The following PTPRT variants were observed in gnomAD, a reference collection of about 807,000 sequenced individuals.
The protein encoded by PTPRT is receptor-type tyrosine-protein phosphatase T.
Under a neutral mutation model 176.8 loss-of-function variants are expected in PTPRT, and 56 were observed. The ratio of observed to expected loss-of-function variants is 0.32; its 90% CI spans 0.26 to 0.40. PTPRT has a LOEUF of 0.40. Among genes scored for constraint, PTPRT ranks in the 10% least tolerant of loss-of-function variants. The pLI is 1.00. For synonymous variants in PTPRT, 783 were observed against 739.0 expected (o/e 1.06, Z -0.96); for missense variants, 1,540 against 1,908.2 (o/e 0.81, Z 3.60).
chr20:42,121,862 A>G (rs1569552), intron 19 of PTPRT, among the ~76,000 whole-genome samples: 43,795 of 151,846 alleles, frequency 0.29, 6,747 homozygotes, highest in Non-Finnish European at 0.34. Flanking sequence ...TTGCAGCAAC[A>G]TGGATACATG....
At chr20:42,365,454 T>C (rs6030171) in intron 9 of PTPRT, among the ~76,000 whole-genome samples, 59,324 of 151,886 alleles carry the variant, frequency 0.39, 12,067 homozygotes, top group East Asian at 0.63. Flanking sequence ...CATATGTGTA[T>C]GAAAAGGGAT....
At chr20:42,239,842 TC>T (rs1431704699) in intron 14 of PTPRT, among the ~76,000 whole-genome samples, 1 of 152,068 alleles carries the variant, frequency 6.6e-6, no homozygotes, top group Non-Finnish European at 1.5e-5. Context: ...CTTTCAATCC[TC>T]CCCACAACCC....
intron 7 of PTPRT, among the ~76,000 whole-genome samples, chr20:42,480,390 C>T (rs2071364702): frequency 6.6e-6 from 1 of 152,150 alleles, no homozygotes; most frequent in Admixed American, 6.5e-5. Context: ...TTCTGTGGAT[C>T]TCTGACCTGG....
At position 42,388,211 on chromosome 20, in the gene PTPRT, A is replaced by G. The variant is rs367735360; in HGVS notation, c.1561-35926T>C. On this transcript the variant is annotated intron_variant, in intron 9 of 30. Coordinates refer to ENST00000373187, the MANE Select transcript of PTPRT (RefSeq NM_007050.6). ...TAGCAATACCATTCAGGACATAGGC[A>G]TGGGCAAGGACTTCATGTCTGAAAC... Among the ~76,000 whole-genome samples, 6 of 152,366 alleles carry G rather than the reference A, an allele frequency of 3.9e-5. No individual in the cohort carries two copies. In the East Asian group the frequency reaches 5.8e-4, roughly 15 times the overall value.
At chr20:42,034,788 G>A in the PTPRT span, among the ~76,000 whole-genome samples, 83 of 152,310 alleles carry the variant, frequency 5.4e-4, no homozygotes, top group African/African-American at 1.9e-3. Context: ...TCTGTGAGAA[G>A]TATAAATTAT....
At chr20:42,636,057 A>G (rs1345218444) in intron 7 of PTPRT, among the ~76,000 whole-genome samples, 1 of 152,192 alleles carries the variant, frequency 6.6e-6, no homozygotes, top group South Asian at 2.1e-4. Flanking sequence ...AAATTAATAG[A>G]GTTGACCGAC....
At chr20:42,280,365 G>A (rs530543714) in intron 13 of PTPRT, among the ~76,000 whole-genome samples, 2 of 152,170 alleles carry the variant, frequency 1.3e-5, no homozygotes, top group East Asian at 1.9e-4. Context: ...AACTGTGTCC[G>A]ACTGACATTC....
chr20:42,957,232 A>C (rs1024517776), intron 1 of PTPRT, among the ~76,000 whole-genome samples: 4 of 152,154 alleles, frequency 2.6e-5, no homozygotes, highest in Non-Finnish European at 1.5e-5. Flanking sequence ...AATCATGCCA[A>C]AGGTCGAGTG....
chr20:42,498,958 G>A (rs192208215), intron 7 of PTPRT, among the ~76,000 whole-genome samples: 2 of 152,212 alleles, frequency 1.3e-5, no homozygotes, highest in East Asian at 1.9e-4. Context: ...CAATCAAGCT[G>A]TAACCCAACC....
chr20:42,332,985 C>T (rs567870233), intron 11 of PTPRT, among the ~76,000 whole-genome samples: 5 of 152,144 alleles, frequency 3.3e-5, no homozygotes, highest in East Asian at 1.9e-4. Context: ...TAAATTTTAA[C>T]GTAAAAGAGT....
intron 1 of PTPRT, among the ~76,000 whole-genome samples, chr20:43,004,813 A>G (rs1003209079): frequency 6.6e-6 from 1 of 152,214 alleles, no homozygotes; most frequent in African/African-American, 2.4e-5. Context: ...AGAATAAAAT[A>G]CTCTTGAAAT....
intron 1 of PTPRT, among the ~76,000 whole-genome samples, chr20:43,090,537 G>A (rs1401247896): frequency 1.3e-5 from 2 of 152,024 alleles, no homozygotes; most frequent in Non-Finnish European, 2.9e-5. Flanking sequence ...CAAAGTGCCG[G>A]GATTCCAGTC....
chr20:42,476,300 G>T (rs2071288162), intron 7 of PTPRT, among the ~76,000 whole-genome samples: 1 of 152,180 alleles, frequency 6.6e-6, no homozygotes, highest in Non-Finnish European at 1.5e-5. Context: ...CTGGGGGCTT[G>T]GATAGCATAA....
chr20:42,955,860 G>A (rs979752094), intron 1 of PTPRT, among the ~76,000 whole-genome samples: 2 of 146,466 alleles, frequency 1.4e-5, no homozygotes, highest in Non-Finnish European at 3.0e-5. Flanking sequence ...GGAGAAGGAG[G>A]GAGGGAGGGA....
At chr20:42,952,028 T>C (rs1402835295) in intron 1 of PTPRT, among the ~76,000 whole-genome samples, 5 of 152,136 alleles carry the variant, frequency 3.3e-5, no homozygotes, top group Admixed American at 6.5e-5. Context: ...CTATGAGCTG[T>C]GAGGAATACT....
intron 9 of PTPRT, among the ~76,000 whole-genome samples, chr20:42,358,545 G>A (rs946245542): frequency 6.6e-6 from 1 of 152,176 alleles, no homozygotes; most frequent in Non-Finnish European, 1.5e-5. Flanking sequence ...GGGGCCAGAT[G>A]CCTTCCTCAT....
At chr20:42,136,682 C>T (rs1002828993) in intron 18 of PTPRT, among the ~76,000 whole-genome samples, 10 of 152,180 alleles carry the variant, frequency 6.6e-5, no homozygotes, top group Non-Finnish European at 8.8e-5. Context: ...CACTGCCCCA[C>T]TGAGGGGCCT....
At chr20:42,732,574 G>A (rs75187166) in intron 6 of PTPRT, among the ~76,000 whole-genome samples, 167 of 152,322 alleles carry the variant, frequency 1.1e-3, no homozygotes, top group African/African-American at 3.8e-3. Context: ...AGAAGAAGGT[G>A]AAGGGGCAGG....
intron 1 of PTPRT, among the ~76,000 whole-genome samples, chr20:43,097,366 G>A (rs551798236): frequency 8.5e-5 from 13 of 152,128 alleles, no homozygotes; most frequent in Non-Finnish European, 1.9e-4. Flanking sequence ...GTGAGTACCT[G>A]CCCCACAAGC....
Sources: allele counts gnomAD v4.1 joint callset (sites outside exome capture counted in the v4.1 genomes callset), GRCh38; gene constraint gnomAD v4.1.1; transcripts MANE v1.5; gene names NCBI Gene and HGNC (gene_info 2026-07-23, HGNC 2026-07-21).